The following PACRG variants were observed in gnomAD, a reference collection of about 807,000 sequenced individuals.
The protein encoded by PACRG is parkin coregulated gene protein.
A neutral mutation model predicts 29.7 loss-of-function variants in PACRG; 29 were observed. That is an observed-to-expected ratio of 0.98 (90% confidence interval 0.73 to 1.33). The LOEUF is 1.33. Among genes scored for constraint, PACRG ranks in the 40% most tolerant of loss-of-function variants. The pLI is 0.00. For missense variants in PACRG, 279 were observed against 316.2 expected, an observed-to-expected ratio of 0.88 and a Z score of 0.89; for synonymous variants, 116 against 118.7, an observed-to-expected ratio of 0.98 and a Z score of 0.15.
intron 4 of PACRG, 140 bp from the exon 5 acceptor site, chr6:163,314,687 T>C (rs1211267228): frequency 3.1e-5 from 29 of 943,860 alleles, no homozygotes; most frequent in Non-Finnish European, 1.5e-6. Flanking sequence ...CCACTGCTTT[T>C]AAAACTCCGC....
chr6:162,853,831 G>T lies in PACRG; in HGVS notation c.291+39550G>T, dbSNP rs977437155. Among the ~76,000 whole-genome samples, 2 of 152,080 alleles carry T rather than the reference G, an allele frequency of 1.3e-5. No homozygotes were observed. Among genetic ancestry groups the T allele is most frequent in the African/African-American group, 4.8e-5 (2 of 41,410 alleles). Reference sequence around the variant, plus strand: ...GTACTTAACCTCTTTCTAAGTCTTGGTTTCCTTGTTTGTATCTATGTATCT... The same window carrying T: ...GTACTTAACCTCTTTCTAAGTCTTGTTTTCCTTGTTTGTATCTATGTATCT... On this transcript the variant is annotated intron_variant, in intron 2 of 4. Coordinates refer to ENST00000366888, the MANE Select transcript of PACRG (RefSeq NM_001080379.2). The surrounding 1 kb of genome is among the most constrained non-coding windows in gnomAD (Gnocchi z 4.7).
At chr6:162,832,166 T>A (rs1788832111) in intron 2 of PACRG, among the ~76,000 whole-genome samples, 1 of 152,158 alleles carries the variant, frequency 6.6e-6, no homozygotes, top group Non-Finnish European at 1.5e-5. Flanking sequence ...CTCTCCAGAA[T>A]CTATTGCTTC....
chr6:163,115,900 G>T (rs1169071207), intron 4 of PACRG, among the ~76,000 whole-genome samples: 6 of 152,172 alleles, frequency 3.9e-5, no homozygotes, highest in Non-Finnish European at 8.8e-5. Flanking sequence ...CGCCCTAACA[G>T]AAGCGAGCCA....
At chr6:162,958,515 T>C (rs1800243060) in intron 2 of PACRG, among the ~76,000 whole-genome samples, 1 of 152,148 alleles carries the variant, frequency 6.6e-6, no homozygotes, top group African/African-American at 2.4e-5. Flanking sequence ...ATGGTGGTCA[T>C]TTTAGTTGTA....
intron 4 of PACRG, among the ~76,000 whole-genome samples, chr6:163,284,994 G>A (rs1247095622): frequency 1.3e-5 from 2 of 152,116 alleles, no homozygotes. Context: ...AGTAGCCATT[G>A]ACCTTCACAC....
chr6:163,074,854 G>T (rs893818848), intron 3 of PACRG, among the ~76,000 whole-genome samples: 8 of 152,064 alleles, frequency 5.3e-5, no homozygotes, highest in African/African-American at 1.9e-4. Flanking sequence ...AGCCAGATGT[G>T]GTGATGCCGC....
At chr6:163,307,938 C>G (rs1785250466) in intron 4 of PACRG, among the ~76,000 whole-genome samples, 1 of 152,152 alleles carries the variant, frequency 6.6e-6, no homozygotes, top group Non-Finnish European at 1.5e-5. Flanking sequence ...ATAGCTGTTT[C>G]CCTATAATTA....
intron 4 of PACRG, among the ~76,000 whole-genome samples, chr6:163,254,526 G>GTC (rs756850255): frequency 1.5e-4 from 23 of 152,244 alleles, no homozygotes; most frequent in Non-Finnish European, 2.9e-4. Context: ...TCAGCACATA[G>GTC]TCTGGGTTCT....
At chr6:163,210,104 C>T (rs763237017) in intron 4 of PACRG, among the ~76,000 whole-genome samples, 11 of 152,266 alleles carry the variant, frequency 7.2e-5, no homozygotes, top group South Asian at 2.1e-4. Context: ...TCACGGCCTA[C>T]GCTTCCACAT....
intron 2 of PACRG, among the ~76,000 whole-genome samples, chr6:162,984,837 G>T (rs1229360971): frequency 2.1e-5 from 3 of 145,458 alleles, no homozygotes; most frequent in Admixed American, 7.0e-5. Flanking sequence ...CATGTCCTTA[G>T]CCCACTTTTT....
chr6:162,969,113 A>G (rs940347018), intron 2 of PACRG, among the ~76,000 whole-genome samples: 3 of 150,378 alleles, frequency 2.0e-5, no homozygotes, highest in South Asian at 2.1e-4. Context: ...CCCTAATTTT[A>G]AGTTAGACAC....
chr6:162,935,314 C>G (rs1238628813), intron 2 of PACRG, among the ~76,000 whole-genome samples: 1 of 151,532 alleles, frequency 6.6e-6, no homozygotes, highest in Admixed American at 6.6e-5. Flanking sequence ...CTGGAACTCC[C>G]AAAATGCAAA....
At chr6:163,054,390 C>T (rs1190049607) in intron 2 of PACRG, among the ~76,000 whole-genome samples, 2 of 152,158 alleles carry the variant, frequency 1.3e-5, no homozygotes, top group East Asian at 1.9e-4. Context: ...CCACAGAACT[C>T]GAATATGCTG....
chr6:162,947,349 A>AAT (rs1491156729), intron 2 of PACRG, among the ~76,000 whole-genome samples: 1 of 41,774 alleles, frequency 2.4e-5, no homozygotes, highest in Non-Finnish European at 4.3e-5. Context: ...TATAATGATT[A>AAT]CATATATATA....
intron 2 of PACRG, among the ~76,000 whole-genome samples, chr6:163,010,992 A>T (rs1805559759): frequency 6.6e-6 from 1 of 152,034 alleles, no homozygotes; most frequent in African/African-American, 2.4e-5. Context: ...GAGCAGAGGA[A>T]ACTCTTTTCT....
intron 1 of PACRG, among the ~76,000 whole-genome samples, chr6:162,759,760 T>C (rs1782202004): frequency 6.6e-6 from 1 of 152,236 alleles, no homozygotes; most frequent in Non-Finnish European, 1.5e-5. Flanking sequence ...ATATAGGAAC[T>C]ATTATTTTTG....
chr6:162,791,311 GTT>G (rs60664405), intron 1 of PACRG, among the ~76,000 whole-genome samples: 7 of 128,788 alleles, frequency 5.4e-5, no homozygotes, highest in Non-Finnish European at 6.5e-5. Flanking sequence ...TTGTTTGTTT[GTT>G]TTTTTTTTTT....
intron 2 of PACRG, among the ~76,000 whole-genome samples, chr6:162,872,863 G>C (rs1048927714): frequency 1.3e-5 from 2 of 152,098 alleles, no homozygotes; most frequent in Non-Finnish European, 2.9e-5. Context: ...CAGGGAATGA[G>C]CGCTCATAGG....
chr6:162,888,881 A>G (rs995730099), intron 2 of PACRG, among the ~76,000 whole-genome samples: 5 of 152,152 alleles, frequency 3.3e-5, no homozygotes, highest in African/African-American at 9.7e-5. Context: ...CCCAAATAGG[A>G]AGGAAGGTCA....
Sources: gnomAD v4.1 joint callset for allele counts (sites outside exome capture counted in the v4.1 genomes callset) on GRCh38, gnomAD v4.1.1 for gene constraint, Gnocchi (gnomAD v3.1) non-coding constraint, MANE v1.5 for transcripts, NCBI Gene and HGNC (gene_info 2026-07-23, HGNC 2026-07-21) for gene names.